INPP4B: variants seen among roughly 807,000 people sequenced by gnomAD.
INPP4B encodes the protein inositol polyphosphate-4-phosphatase type II B, also known as inositol polyphosphate 4-phosphatase type II.
In INPP4B, 55 loss-of-function variants were observed where a neutral mutation model predicts 122.5. The observed-to-expected ratio is 0.45, with a 90% confidence interval of 0.36 to 0.56. The LOEUF (loss-of-function observed/expected upper bound fraction) is 0.56. INPP4B is among the 20% of genes least tolerant of loss of function. INPP4B has a pLI of 0.00. For synonymous variants in INPP4B, 403 were observed against 388.7 expected (o/e 1.04, Z -0.43); for missense variants, 1,000 against 1,097.7 (o/e 0.91, Z 1.26).
intron 2 of INPP4B, among the ~76,000 whole-genome samples, chr4:142,693,044 C>T (rs1331172254): frequency 6.6e-6 from 1 of 150,990 alleles, no homozygotes; most frequent in African/African-American, 2.4e-5. Context: ...GAAAAAGGTG[C>T]CACATGTTCC....
intron 1 of INPP4B, among the ~76,000 whole-genome samples, chr4:142,812,236 C>T (rs1423167470): frequency 6.6e-6 from 1 of 152,110 alleles, no homozygotes; most frequent in African/African-American, 2.4e-5. Context: ...GCCCACACAC[C>T]CATGGTATTT....
At chr4:142,092,034 T>C (rs1454978019) in intron 23 of INPP4B, among the ~76,000 whole-genome samples, 2 of 152,180 alleles carry the variant, frequency 1.3e-5, no homozygotes, top group Admixed American at 1.3e-4. Context: ...TCAAGACTAG[T>C]TCACGAATAG....
At chr4:142,354,263 TTACA>T (rs1782874282) in intron 7 of INPP4B, among the ~76,000 whole-genome samples, 1 of 151,992 alleles carries the variant, frequency 6.6e-6, no homozygotes, top group East Asian at 1.9e-4. Context: ...ATGCTGACTC[TTACA>T]CCTAAAAATT....
At position 142,460,608 on chromosome 4, in the gene INPP4B, T is replaced by C. The variant is rs182040428; in HGVS notation, c.-127+2055A>G. Among the ~76,000 whole-genome samples, 822 of 152,274 alleles carry C rather than the reference T, an allele frequency of 5.4e-3. 3 individuals are homozygous for C. The highest frequency in any genetic ancestry group is 8.6e-3 in the Non-Finnish European group (586 of 68,010). ...AGACACATCTCTAGTAGAAAGCAAA[T>C]GGCAAGAGTAGTAATTAAAAAGCAG... On this transcript the variant is annotated intron_variant, in intron 3 of 25. Coordinates refer to ENST00000262992, the MANE Select transcript of INPP4B (RefSeq NM_001101669.3).
intron 1 of INPP4B, among the ~76,000 whole-genome samples, chr4:142,792,987 T>C (rs1390792441): frequency 2.0e-5 from 3 of 151,672 alleles, no homozygotes; most frequent in African/African-American, 7.3e-5. Flanking sequence ...ACTCAGGAGG[T>C]AGAAGACCCA....
chr4:142,405,226 A>G lies in INPP4B; in HGVS notation c.235T>C (p.Ser79Pro). 1.2e-6 allele frequency: 2 copies of G among 1,605,552 alleles called. No individual in the cohort carries two copies. The highest frequency in any genetic ancestry group is 1.7e-6 in the Non-Finnish European group (2 of 1,172,424). Residue 79 changes from serine to proline, a missense_variant, in exon 6 of 26, where the codon TCC becomes CCC. Transcript: ENST00000262992. ...CTCACCTCCACAATTTCGGTGCTGGAGTATCTTGTCAGACTCTGCTCCACG... is the reference window on the plus strand; with the variant it reads ...CTCACCTCCACAATTTCGGTGCTGGGGTATCTTGTCAGACTCTGCTCCACG... Reference protein sequence around the residue: ...HPVEQSLTRYSSTEIVEGTRD... With the variant: ...HPVEQSLTRYPSTEIVEGTRD...
intron 2 of INPP4B, among the ~76,000 whole-genome samples, chr4:142,671,199 T>C (rs1756940560): frequency 6.6e-6 from 1 of 152,086 alleles, no homozygotes; most frequent in African/African-American, 2.4e-5. Flanking sequence ...CCACCTTTTC[T>C]CTTGAACCAT....
intron 25 of INPP4B, among the ~76,000 whole-genome samples, chr4:142,077,126 A>G (rs1297917901): frequency 6.6e-6 from 1 of 152,038 alleles, no homozygotes; most frequent in Admixed American, 6.6e-5. Context: ...TGATAAATGA[A>G]ACTCAATAAG....
chr4:142,648,378 A>G (rs1050092982), intron 2 of INPP4B, among the ~76,000 whole-genome samples: 12 of 152,336 alleles, frequency 7.9e-5, no homozygotes, highest in African/African-American at 2.9e-4. Context: ...TGCCTCACCC[A>G]GGAAGCACAA....
intron 9 of INPP4B, among the ~76,000 whole-genome samples, chr4:142,278,819 A>G (rs1174421860): frequency 6.6e-6 from 1 of 151,932 alleles, no homozygotes; most frequent in Admixed American, 6.6e-5. Context: ...TTGTGCATGG[A>G]AAGATCTGAT....
intron 1 of INPP4B, among the ~76,000 whole-genome samples, chr4:142,752,140 T>TG (rs1472673109): frequency 6.6e-6 from 1 of 151,880 alleles, no homozygotes; most frequent in East Asian, 1.9e-4. Flanking sequence ...GGAAGTAGAC[T>TG]TTTTTTTAGA....
At chr4:142,750,947 A>T (rs976215277) in intron 1 of INPP4B, among the ~76,000 whole-genome samples, 24 of 152,120 alleles carry the variant, frequency 1.6e-4, no homozygotes, top group African/African-American at 5.8e-4. Context: ...AGATGAGAAA[A>T]CTTAATAAGG....
At chr4:142,076,626 C>T (rs951123596) in intron 25 of INPP4B, among the ~76,000 whole-genome samples, 2 of 151,986 alleles carry the variant, frequency 1.3e-5, no homozygotes, top group African/African-American at 4.8e-5. Context: ...TTACGATGTT[C>T]CCTACAAACA....
rs1736626655 is a variant in INPP4B, at chr4:142,025,099, G to A, written c.*3683C>T. 1 of 151,878 alleles carries A rather than the reference G, an allele frequency of 6.6e-6. No individual in the cohort carries two copies. The highest frequency in any genetic ancestry group is 1.5e-5 in the Non-Finnish European group (1 of 67,978). The allele number at this position is 151,878 out of a possible 1,614,324, so 9.4% of individuals were successfully genotyped here. A position where few individuals can be genotyped will look rare whatever the true frequency, so the allele number is the denominator to read the frequency against. On this transcript the variant is annotated 3_prime_UTR_variant, in exon 26 of 26. Transcript: ENST00000262992. ...TTTCCTAATAAAAAAAAAAGAATATGGCATTCATTGTGTGCTGGTAAATGC... is the reference window on the plus strand; with the variant it reads ...TTTCCTAATAAAAAAAAAAGAATATAGCATTCATTGTGTGCTGGTAAATGC...
intron 1 of INPP4B, among the ~76,000 whole-genome samples, chr4:142,760,223 T>C (rs574778875): frequency 1.3e-5 from 2 of 152,204 alleles, no homozygotes; most frequent in African/African-American, 4.8e-5. Flanking sequence ...TCTGAACAAA[T>C]AAATCTGGAA....
intron 23 of INPP4B, among the ~76,000 whole-genome samples, chr4:142,090,308 T>G (rs1778913104): frequency 6.6e-6 from 1 of 151,316 alleles, no homozygotes. Flanking sequence ...TTTTTTAACA[T>G]TTTTAGGCCA....
intron 2 of INPP4B, among the ~76,000 whole-genome samples, chr4:142,702,949 A>T (rs1440500816): frequency 6.6e-6 from 1 of 152,202 alleles, no homozygotes; most frequent in African/African-American, 2.4e-5. Flanking sequence ...AAACTAGTTT[A>T]TCTAGAGCAC....
intron 3 of INPP4B, among the ~76,000 whole-genome samples, chr4:142,435,193 G>C (rs1810166872): frequency 6.6e-6 from 1 of 152,170 alleles, no homozygotes. Flanking sequence ...GAAAAGGGGA[G>C]TTAGCATAAA....
At chr4:142,541,733 G>T (rs1223035775) in intron 2 of INPP4B, among the ~76,000 whole-genome samples, 2 of 152,106 alleles carry the variant, frequency 1.3e-5, no homozygotes, top group East Asian at 1.9e-4. Flanking sequence ...CAGCATGAAT[G>T]CTGGCTTCTC....
Sources: gnomAD v4.1 joint callset for allele counts (sites outside exome capture counted in the v4.1 genomes callset) on GRCh38, gnomAD v4.1.1 for gene constraint, MANE v1.5 for transcripts, NCBI Gene and HGNC (gene_info 2026-07-23, HGNC 2026-07-21) for gene names.